HEPH: variants seen among roughly 807,000 people sequenced by gnomAD.
HEPH encodes hephaestin.
A neutral mutation model predicts 80.8 loss-of-function variants in HEPH; 69 were observed. The observed-to-expected ratio is 0.85, with a 90% confidence interval of 0.70 to 1.04. The LOEUF is 1.04. Ranked by LOEUF, HEPH falls within the 50% of genes least tolerant of loss-of-function variation. The pLI is 0.00. For synonymous variants in HEPH, 431 were observed against 322.8 expected (o/e 1.34, Z -3.60); for missense variants, 1,115 against 891.3 (o/e 1.25, Z -3.20).
At chrX:66,226,395 A>G (rs916145494) in intron 15 of HEPH, among the ~76,000 whole-genome samples, 1 of 112,251 alleles carries the variant, frequency 8.9e-6, no homozygotes, top group African/African-American at 3.2e-5. Context: ...GGAACTGGAG[A>G]AACAAGAACA....
At chrX:66,190,921 G>C (rs976730761) in intron 6 of HEPH, among the ~76,000 whole-genome samples, 5 of 111,677 alleles carry the variant, frequency 4.5e-5, no homozygotes, top group Non-Finnish European at 9.4e-5. Flanking sequence ...AGACCTTAGA[G>C]ACAGACATGC....
Position 66,258,825 on chromosome X carries a change from C to CTT in HEPH, c.2897-7_2897-6dup. On this transcript the variant is annotated splice_polypyrimidine_tract_variant and intron_variant, in intron 17 of 20. Coordinates refer to ENST00000343002, the MANE Select transcript of HEPH (RefSeq NM_001367233.3). ...TTTTTCTTTTCTTTTCTTTTCTTTT[C>CTT]TTTTTTTTTGACAGCAATCAATGGG... is the stretch of plus-strand genomic sequence containing the variant. The CTT allele has an allele frequency of 9.1e-7, 1 of 1,093,568 alleles. No homozygotes were observed. The allele number at this position is 1,093,568 out of a possible 1,213,427, so 90.1% of individuals were successfully genotyped here. A position where few individuals can be genotyped will look rare whatever the true frequency, so the allele number is the denominator to read the frequency against.
At chrX:66,220,907 G>GT (rs893988322) in intron 15 of HEPH, among the ~76,000 whole-genome samples, 15 of 110,574 alleles carry the variant, frequency 1.4e-4, no homozygotes, top group African/African-American at 4.9e-4. Context: ...ATACAAACAA[G>GT]TTTTTTTTAG....
At chrX:66,176,754 G>T (rs1031590955) in intron 4 of HEPH, among the ~76,000 whole-genome samples, 8 of 110,782 alleles carry the variant, frequency 7.2e-5, no homozygotes, top group South Asian at 3.8e-4. Flanking sequence ...GCGGTGTTTG[G>T]TTTTTTTGTC....
At position 66,173,731 on chromosome X, in the gene HEPH, C is replaced by A. The variant is rs1480633544; in HGVS notation, c.555C>A (p.Tyr185Ter). Residue 185 changes from tyrosine (Y) to a stop codon, truncating the protein, a stop_gained, in exon 4 of 21, where the codon TAC becomes TAA. Coordinates refer to ENST00000343002, the MANE Select transcript of HEPH (RefSeq NM_001367233.3). LOFTEE classifies it high-confidence loss of function. ...ACCCAGCGTGCCTCACCTGGATCTACCATTCTCATGTAGATGCTCCACGAG... is the reference window on the plus strand; with the variant it reads ...ACCCAGCGTGCCTCACCTGGATCTAACATTCTCATGTAGATGCTCCACGAG... Reference protein sequence around the residue: ...DADPACLTWIYHSHVDAPRDI... With the variant: ...DADPACLTWI The A allele has an allele frequency of 8.3e-7, 1 of 1,208,753 alleles. No homozygotes were observed. Among genetic ancestry groups the A allele is most frequent in the Non-Finnish European group, 1.1e-6 (1 of 893,966 alleles).
intron 13 of HEPH, among the ~76,000 whole-genome samples, chrX:66,203,913 G>A (rs1409211045): frequency 1.8e-5 from 2 of 112,477 alleles, no homozygotes; most frequent in African/African-American, 6.5e-5. Context: ...TGACAAAATG[G>A]CATTGCATTT....
At chrX:66,236,925 C>A (rs1354192384) in intron 15 of HEPH, among the ~76,000 whole-genome samples, 1 of 111,425 alleles carries the variant, frequency 9.0e-6, no homozygotes, top group Non-Finnish European at 1.9e-5. Context: ...TAATAATATT[C>A]TTTGTTGGCT....
At chrX:66,254,243 A>G (rs1407900556) in intron 15 of HEPH, among the ~76,000 whole-genome samples, 2 of 111,338 alleles carry the variant, frequency 1.8e-5, no homozygotes, top group Non-Finnish European at 3.8e-5. Flanking sequence ...GGGCAAGAGT[A>G]ATGATAATTG....
intron 15 of HEPH, among the ~76,000 whole-genome samples, chrX:66,226,513 C>A (rs930335274): frequency 8.9e-5 from 10 of 111,823 alleles, no homozygotes; most frequent in Admixed American, 3.8e-4. Flanking sequence ...AAAACTGGTT[C>A]TTTGAAAAGA....
At chrX:66,228,143 A>G (rs1193606184) in intron 15 of HEPH, among the ~76,000 whole-genome samples, 1 of 111,690 alleles carries the variant, frequency 9.0e-6, no homozygotes, top group Non-Finnish European at 1.9e-5. Flanking sequence ...CACATCCCAC[A>G]TGGCAGCAGA....
intron 15 of HEPH, among the ~76,000 whole-genome samples, chrX:66,226,512 TC>T (rs1216171064): frequency 8.9e-6 from 1 of 111,960 alleles, no homozygotes; most frequent in Non-Finnish European, 1.9e-5. Flanking sequence ...AAAAACTGGT[TC>T]TTTGAAAAGA....
chrX:66,186,737 T>C (rs2087473084), intron 4 of HEPH, among the ~76,000 whole-genome samples: 1 of 112,055 alleles, frequency 8.9e-6, no homozygotes, highest in African/African-American at 3.2e-5. Context: ...CCCCCAGGTG[T>C]TCTTTGTGCT....
intron 15 of HEPH, among the ~76,000 whole-genome samples, chrX:66,253,918 A>G (rs902706811): frequency 9.0e-6 from 1 of 111,394 alleles, no homozygotes; most frequent in African/African-American, 3.3e-5. Flanking sequence ...TGGAATATTG[A>G]TTACCTTGGG....
intron 15 of HEPH, among the ~76,000 whole-genome samples, chrX:66,210,354 A>G (rs1602354612): frequency 8.9e-6 from 1 of 112,047 alleles, no homozygotes; most frequent in East Asian, 2.8e-4. Flanking sequence ...GAGATAAGAG[A>G]TTGAAAACAG....
At chrX:66,260,049 T>C in intron 18 of HEPH, 51 bp from the exon 19 acceptor site, 2 of 1,135,872 alleles carry the variant, frequency 1.8e-6, no homozygotes, top group Non-Finnish European at 2.4e-6. Context: ...AGCTCTAAGA[T>C]GATTTTTATA....
At chrX:66,226,093 G>A (rs1213977328) in intron 15 of HEPH, among the ~76,000 whole-genome samples, 2 of 111,379 alleles carry the variant, frequency 1.8e-5, no homozygotes, top group Non-Finnish European at 3.8e-5. Context: ...AACAGGACAG[G>A]GATTTTTACA....
intron 6 of HEPH, among the ~76,000 whole-genome samples, chrX:66,191,034 T>C (rs2087761026): frequency 8.9e-6 from 1 of 111,811 alleles, no homozygotes; most frequent in African/African-American, 3.2e-5. Context: ...CCTCATAAAA[T>C]TGTAATGAGG....
intron 18 of HEPH, 38 bp from the exon 19 acceptor site, chrX:66,260,062 C>T (rs200914728): frequency 3.4e-6 from 4 of 1,168,085 alleles, no homozygotes; most frequent in African/African-American, 3.6e-5. Context: ...TTTTTATACC[C>T]TTCACTTCCT....
chrX:66,258,662 A>G (rs962327005), intron 17 of HEPH, among the ~76,000 whole-genome samples, 178 bp from the exon 18 acceptor site: 1 of 111,823 alleles, frequency 8.9e-6, no homozygotes, highest in Non-Finnish European at 1.9e-5. Flanking sequence ...TTTTGATAAT[A>G]TCAATGTAAG....
Sources: allele counts gnomAD v4.1 joint callset (sites outside exome capture counted in the v4.1 genomes callset), GRCh38; gene constraint gnomAD v4.1.1; transcripts MANE v1.5; gene names NCBI Gene and HGNC (gene_info 2026-07-23, HGNC 2026-07-21).